Variants in PIP5K1C observed in about 807,000 individuals in gnomAD.
PIP5K1C encodes phosphatidylinositol-4-phosphate 5-kinase type 1 gamma.
Under a neutral mutation model 80.1 loss-of-function variants are expected in PIP5K1C, and 45 were observed. That is an observed-to-expected ratio of 0.56 (90% CI 0.44 to 0.72). The LOEUF (loss-of-function observed/expected upper bound fraction) is 0.72. Ranked by LOEUF, PIP5K1C falls within the 30% of genes least tolerant of loss-of-function variation. The pLI is 0.00. For synonymous variants in PIP5K1C, 498 were observed against 420.1 expected (o/e 1.19, Z -2.27); for missense variants, 753 against 954.6 (o/e 0.79, Z 2.78).
At chr19:3,658,774 C>T (rs1023093568) in intron 5 of PIP5K1C, among the ~76,000 whole-genome samples, 2 of 152,220 alleles carry the variant, frequency 1.3e-5, no homozygotes, top group African/African-American at 4.8e-5. Flanking sequence ...GTACAAAGAA[C>T]ACCGATGACA....
chr19:3,668,804 T>TCTG (rs1381160104), intron 1 of PIP5K1C, among the ~76,000 whole-genome samples: 1 of 152,090 alleles, frequency 6.6e-6, no homozygotes, highest in African/African-American at 2.4e-5. Context: ...GCTGGTCCTG[T>TCTG]CTGAGCTCAG....
chr19:3,697,503 A>G (rs142980948), intron 1 of PIP5K1C, among the ~76,000 whole-genome samples: 15,733 of 146,340 alleles, frequency 0.11, 915 homozygotes, highest in Middle Eastern at 0.18. Flanking sequence ...GAGCTGGACC[A>G]GGGAGGACCA....
At chr19:3,661,624 T>C (rs2034834848) in intron 4 of PIP5K1C, among the ~76,000 whole-genome samples, 1 of 152,224 alleles carries the variant, frequency 6.6e-6, no homozygotes, top group African/African-American at 2.4e-5. Flanking sequence ...CACTGGTTAT[T>C]TGTAGATTAG....
chr19:3,700,298 T>C lies in PIP5K1C; in HGVS notation c.93A>G (p.Ala31=). 1 of 1,274,006 alleles carries C rather than the reference T, an allele frequency of 7.8e-7. No individual in the cohort carries two copies. Among genetic ancestry groups the C allele is most frequent in the Non-Finnish European group, 1.0e-6 (1 of 993,310 alleles). The allele number at this position is 1,274,006 out of a possible 1,614,324, so 78.9% of individuals were successfully genotyped here. A position where few individuals can be genotyped will look rare whatever the true frequency, so the allele number is the denominator to read the frequency against. The change falls in exon 1 of 18, where the codon GCA becomes GCG. Residue 31 remains alanine, a splice_region_variant and synonymous_variant. Coordinates refer to ENST00000335312, the MANE Select transcript of PIP5K1C (RefSeq NM_012398.3). ...AAWAAESGAA[A]GLAQKKAAPT... is the part of the protein sequence containing the mutation. ...AGCCCCGGGAGGCCGGGCCGTTACC[T>C]GCCGCCGCCCCGCTCTCTGCCGCCC...
At chr19:3,640,284 C>G (rs1254472712) in intron 15 of PIP5K1C, among the ~76,000 whole-genome samples, 1 of 152,110 alleles carries the variant, frequency 6.6e-6, no homozygotes, top group African/African-American at 2.4e-5. Context: ...GAGGCCGAGG[C>G]GGGAGGATCA....
intron 16 of PIP5K1C, 113 bp from the exon 17 acceptor site, chr19:3,633,633 C>T: frequency 1.5e-6 from 1 of 674,760 alleles, no homozygotes; most frequent in Non-Finnish European, 2.2e-6. Flanking sequence ...GCGAATCCCC[C>T]ATGGAAGACG....
At chr19:3,652,078 C>T (rs774461071) in intron 7 of PIP5K1C, 47 bp from the exon 8 acceptor site, 15 of 1,581,956 alleles carry the variant, frequency 9.5e-6, no homozygotes, top group Non-Finnish European at 1.2e-5. Flanking sequence ...CCGTCTCTAT[C>T]CCCCACAACG....
At chr19:3,666,925 G>A (rs997662611) in intron 2 of PIP5K1C, among the ~76,000 whole-genome samples, 5 of 152,252 alleles carry the variant, frequency 3.3e-5, no homozygotes, top group Non-Finnish European at 1.5e-5. Context: ...CGCCCTCTGG[G>A]CAGCGTCTAA....
chr19:3,683,507 C>A (rs996805069), intron 1 of PIP5K1C, among the ~76,000 whole-genome samples: 1 of 152,214 alleles, frequency 6.6e-6, no homozygotes, highest in African/African-American at 2.4e-5. Flanking sequence ...ATATGAGAAC[C>A]CCATGGCTTA....
chr19:3,689,772 C>T (rs1435727052), intron 1 of PIP5K1C, among the ~76,000 whole-genome samples: 3 of 152,182 alleles, frequency 2.0e-5, no homozygotes, highest in Non-Finnish European at 2.9e-5. Flanking sequence ...CACACACGCA[C>T]ACGCTAACAC....
chr19:3,655,837 G>A (rs2034603090), intron 6 of PIP5K1C, among the ~76,000 whole-genome samples: 1 of 152,208 alleles, frequency 6.6e-6, no homozygotes, highest in South Asian at 2.1e-4. Context: ...CGGAATCCCA[G>A]GCCCAGGAAC....
At position 3,643,960 on chromosome 19, in the gene PIP5K1C, C is replaced by G. The variant is rs552293481; in HGVS notation, c.1510+127G>C. ...CAGCAGCCCCCACTCCCTGGGCAGG[C>G]GGCCCTGCAGATCCGGAGGGGGTGG... On this transcript the variant is annotated intron_variant, in intron 12 of 17. Transcript: ENST00000335312. 3.2e-5 allele frequency: 36 copies of G among 1,127,570 alleles called. No individual in the cohort carries two copies. In the African/African-American group the frequency reaches 5.0e-4, roughly 16 times the overall value. The allele number at this position is 1,127,570 out of a possible 1,614,324, so 69.8% of individuals were successfully genotyped here.
intron 1 of PIP5K1C, among the ~76,000 whole-genome samples, chr19:3,668,784 G>T (rs1047600985): frequency 2.6e-5 from 4 of 152,196 alleles, no homozygotes; most frequent in African/African-American, 9.7e-5. Context: ...GCAAGGGGGG[G>T]CTTCCCTGGG....
chr19:3,645,778 G>A (rs950830477), intron 11 of PIP5K1C, among the ~76,000 whole-genome samples, 196 bp downstream of exon 11: 2 of 152,216 alleles, frequency 1.3e-5, no homozygotes, highest in African/African-American at 4.8e-5. Flanking sequence ...CTCCAGACCC[G>A]TGCTCTACCG....
In PIP5K1C at chr19:3,696,764, G is replaced by A. The variant is rs1039932386; in HGVS notation, c.94+3533C>T. ...AGGGCAGGGAGGGCAGGGAGGGCCC[G>A]GGGCAGGCTGTGCAGGGCCTGATGG... On this transcript the variant is annotated intron_variant, in intron 1 of 17. Transcript: ENST00000335312. This position sits in a 1 kb window ranked among gnomAD's most constrained non-coding sequence, Gnocchi z 4.1. Among the ~76,000 whole-genome samples the A allele has an allele frequency of 2.6e-5, 4 of 151,954 alleles. No individual in the cohort carries two copies. The highest frequency in any genetic ancestry group is 1.9e-4 in the East Asian group (1 of 5,170).
intron 1 of PIP5K1C, among the ~76,000 whole-genome samples, chr19:3,690,911 G>A (rs748558197): frequency 1.6e-4 from 25 of 152,162 alleles, no homozygotes; most frequent in Admixed American, 9.8e-4. Context: ...TCGGGGCCAC[G>A]GAGCTTGCAG....
intron 1 of PIP5K1C, among the ~76,000 whole-genome samples, chr19:3,699,832 C>T (rs988916250): frequency 6.6e-6 from 1 of 152,236 alleles, no homozygotes; most frequent in African/African-American, 2.4e-5. Context: ...AGATGTAACC[C>T]TTTTCCTCCC....
At chr19:3,697,517 T>A (rs935512693) in intron 1 of PIP5K1C, among the ~76,000 whole-genome samples, 1 of 151,808 alleles carries the variant, frequency 6.6e-6, no homozygotes, top group African/African-American at 2.4e-5. Flanking sequence ...AGGACCAAGC[T>A]GGACCCGGGA....
At chr19:3,670,553 G>C (rs1373607036) in intron 1 of PIP5K1C, among the ~76,000 whole-genome samples, 1 of 152,254 alleles carries the variant, frequency 6.6e-6, no homozygotes, top group Non-Finnish European at 1.5e-5. Context: ...CTGGCCTCCA[G>C]AGCTGAGCCA....
Sources: allele counts gnomAD v4.1 joint callset (sites outside exome capture counted in the v4.1 genomes callset), GRCh38; gene constraint gnomAD v4.1.1; non-coding constraint Gnocchi (gnomAD v3.1); transcripts MANE v1.5; gene names NCBI Gene and HGNC (gene_info 2026-07-23, HGNC 2026-07-21).